SP140L: variants seen among roughly 807,000 people sequenced by gnomAD.
SP140L encodes SP140 like nuclear body protein.
A neutral mutation model predicts 84.3 loss-of-function variants in SP140L; 64 were observed. That is an observed-to-expected ratio of 0.76 (90% CI 0.62 to 0.94). The LOEUF (loss-of-function observed/expected upper bound fraction) is 0.94. SP140L is among the 40% of genes least tolerant of loss of function. The pLI, the probability that SP140L is intolerant of heterozygous loss-of-function variation, is 0.00. For missense variants in SP140L, 628 were observed against 692.5 expected (o/e 0.91, Z 1.05); for synonymous variants, 242 against 236.9 (o/e 1.02, Z -0.20).
Position 230,327,312 on chromosome 2 carries a change from ATC to A in SP140L, c.32+17_32+18del. On this transcript the variant is annotated intron_variant, in intron 1 of 18. Coordinates refer to ENST00000415673, the MANE Select transcript of SP140L (RefSeq NM_138402.6). ...CGACCTGAGCACCAGGTGAGTCTTT[ATC>A]TCTCTTCCTTTCACCTTTATCTCTG... 1 of 1,609,880 alleles carries A rather than the reference ATC, an allele frequency of 6.2e-7. No individual in the cohort carries two copies. The highest frequency in any genetic ancestry group is 1.1e-5 in the South Asian group (1 of 90,250).
chr2:230,363,616 G>C (rs997529446), intron 5 of SP140L, among the ~76,000 whole-genome samples: 3 of 151,454 alleles, frequency 2.0e-5, no homozygotes, highest in African/African-American at 7.3e-5. Context: ...TCTCCCTTCT[G>C]TAGGTTGTCT....
In SP140L at chr2:230,330,517, G is replaced by A. The variant is rs1017002294; in HGVS notation, c.107+1686G>A. On this transcript the variant is annotated intron_variant, in intron 2 of 18. Coordinates refer to ENST00000415673, the MANE Select transcript of SP140L (RefSeq NM_138402.6). ...GCCTGTCAAAATCTTGGCATTTTGT[G>A]TGAAATTGCACTGACTCTATAGATC... 2.0e-5 allele frequency among the ~76,000 whole-genome samples: 3 copies of A among 152,168 alleles called. No homozygotes were observed. In the East Asian group the frequency reaches 5.8e-4, roughly 29 times the overall value.
chr2:230,330,438 G>A (rs1043049671), intron 2 of SP140L, among the ~76,000 whole-genome samples: 12 of 152,102 alleles, frequency 7.9e-5, no homozygotes, highest in African/African-American at 2.9e-4. Flanking sequence ...ATCTGACGAG[G>A]CAAAATCTCT....
intron 14 of SP140L, among the ~76,000 whole-genome samples, chr2:230,397,660 G>T (rs559861545): frequency 1.5e-3 from 228 of 152,272 alleles, no homozygotes; most frequent in African/African-American, 5.1e-3. Flanking sequence ...CAGGGGGCAG[G>T]ACTCACATAG....
chr2:230,370,137 A>G (rs966831198), intron 5 of SP140L, among the ~76,000 whole-genome samples: 4 of 152,260 alleles, frequency 2.6e-5, no homozygotes, highest in East Asian at 1.9e-4. Context: ...AATTTTTTCT[A>G]TTTTACTCTC....
intron 13 of SP140L, among the ~76,000 whole-genome samples, chr2:230,394,338 A>G (rs1477467662): frequency 1.3e-5 from 2 of 152,366 alleles, no homozygotes; most frequent in Admixed American, 6.5e-5. Flanking sequence ...TGTCATCCTT[A>G]TGCACTTCAG....
rs373046032 is a variant in SP140L at position 230,367,253 on chromosome 2, ATTTTC to A, written c.524-3640_524-3636del. ...TACTGTACTTTTACTCTAACTTCTC[ATTTTC>A]TTTTCTTTTCTTTTTTTTCCTTTCT... On this transcript the variant is annotated intron_variant, in intron 5 of 18. Coordinates refer to ENST00000415673, the MANE Select transcript of SP140L (RefSeq NM_138402.6). 5.3e-5 allele frequency among the ~76,000 whole-genome samples: 7 copies of A among 131,136 alleles called. No individual in the cohort carries two copies. The South Asian group carries it at 7.7e-4, about 14-fold the overall frequency. The allele number at this position is 131,136 out of a possible 152,430, so 86.0% of individuals were successfully genotyped here. A position where few individuals can be genotyped will look rare whatever the true frequency, so the allele number is the denominator to read the frequency against.
chr2:230,364,714 T>C (rs963731567), intron 5 of SP140L, among the ~76,000 whole-genome samples: 1 of 152,134 alleles, frequency 6.6e-6, no homozygotes, highest in Non-Finnish European at 1.5e-5. Flanking sequence ...CCTACTCTTG[T>C]TTCTGATCTT....
intron 2 of SP140L, among the ~76,000 whole-genome samples, chr2:230,334,667 G>A (rs892937121): frequency 9.2e-5 from 14 of 152,052 alleles, no homozygotes; most frequent in South Asian, 4.1e-4. Context: ...TGTTGATAGC[G>A]AAACTATAAC....
chr2:230,374,177 G>A (rs1197190449), intron 7 of SP140L, among the ~76,000 whole-genome samples: 12 of 152,184 alleles, frequency 7.9e-5, no homozygotes, highest in East Asian at 5.8e-4. Flanking sequence ...TTAGCTGGGC[G>A]TGGTGGCTTG....
At chr2:230,354,906 A>AAGGAAAG in intron 2 of SP140L, among the ~76,000 whole-genome samples, 2 of 139,988 alleles carry the variant, frequency 1.4e-5, no homozygotes, top group Non-Finnish European at 3.1e-5. Flanking sequence ...AGGAAAGAGA[A>AAGGAAAG]AGAAGAAAGA....
chr2:230,401,550 C>T (rs1300639470), intron 17 of SP140L, 107 bp downstream of exon 17: 5 of 1,044,074 alleles, frequency 4.8e-6, no homozygotes, highest in African/African-American at 2.0e-5. Context: ...CAAGAGCACA[C>T]GCTGTCATTA....
chr2:230,330,987 C>T (rs755707678), intron 2 of SP140L, among the ~76,000 whole-genome samples: 1 of 152,154 alleles, frequency 6.6e-6, no homozygotes, highest in African/African-American at 2.4e-5. Context: ...ATCAGATCGG[C>T]TGTCATGGTA....
At chr2:230,390,553 A>G (rs2061758688) in intron 11 of SP140L, among the ~76,000 whole-genome samples, 1 of 152,258 alleles carries the variant, frequency 6.6e-6, no homozygotes, top group Admixed American at 6.5e-5. Context: ...CTCATGATGT[A>G]GCTGTGAGAA....
intron 5 of SP140L, among the ~76,000 whole-genome samples, chr2:230,361,932 G>A (rs1398995879): frequency 6.6e-6 from 1 of 152,170 alleles, no homozygotes; most frequent in Non-Finnish European, 1.5e-5. Context: ...AGCCAAGTGT[G>A]TCAGTAGGCC....
At chr2:230,400,828 G>T in intron 15 of SP140L, 127 bp from the exon 16 acceptor site, 1 of 1,582,014 alleles carries the variant, frequency 6.3e-7, no homozygotes, top group African/African-American at 1.3e-5. Context: ...GGATACTCTG[G>T]GAGGTGTTCC....
chr2:230,354,873 GAAA>G (rs776774973), intron 2 of SP140L, among the ~76,000 whole-genome samples: 1 of 116,312 alleles, frequency 8.6e-6, no homozygotes, highest in African/African-American at 3.2e-5. Flanking sequence ...AAGAAAGAAA[GAAA>G]GAAAGAAAGA....
chr2:230,341,454 A>G (rs955847010), intron 2 of SP140L, among the ~76,000 whole-genome samples: 9 of 137,358 alleles, frequency 6.6e-5, no homozygotes, highest in African/African-American at 2.5e-4. Flanking sequence ...CCCGTAGCTC[A>G]GAGTAATTTG....
chr2:230,352,993 A>G (rs1019502777), intron 2 of SP140L, among the ~76,000 whole-genome samples: 5 of 151,980 alleles, frequency 3.3e-5, no homozygotes, highest in East Asian at 3.9e-4. Flanking sequence ...GTTTTATTTC[A>G]TATAGAGTTT....
Sources: allele counts gnomAD v4.1 joint callset (sites outside exome capture counted in the v4.1 genomes callset), GRCh38; gene constraint gnomAD v4.1.1; transcripts MANE v1.5; gene names NCBI Gene and HGNC (gene_info 2026-07-23, HGNC 2026-07-21).